Variants in ADGRV1 observed in about 807,000 individuals in gnomAD.
ADGRV1 encodes adhesion G protein-coupled receptor V1.
A neutral mutation model predicts 596.2 loss-of-function variants in ADGRV1; 359 were observed. The observed-to-expected ratio is 0.60, with a 90% CI of 0.55 to 0.66. The LOEUF is 0.66. Among genes scored for constraint, ADGRV1 ranks in the 30% least tolerant of loss-of-function variants. The probability of loss-of-function intolerance (pLI) is 0.00; values close to 1 mark genes in which losing one functional copy is unlikely to be tolerated. For missense variants in ADGRV1, 7,274 were observed against 7,575.6 expected, an observed-to-expected ratio of 0.96 and a Z score of 1.48; for synonymous variants, 2,681 against 2,679.2, an observed-to-expected ratio of 1.00 and a Z score of -0.02.
chr5:90,869,517 T>G (rs1254669770), intron 83 of ADGRV1, among the ~76,000 whole-genome samples: 2 of 152,068 alleles, frequency 1.3e-5, no homozygotes, highest in East Asian at 3.8e-4. Flanking sequence ...AGACTCTAAT[T>G]AGGGAGAGTA....
At position 91,150,194 on chromosome 5, in the gene ADGRV1, C is replaced by T. The variant is rs1190824134; in HGVS notation, c.18597C>T (p.Thr6199=). ...CTGGAGGGGAAATCAGCAAGTCCACCCAGAATCTCATCGGTGCTATGGAGG... is the reference window on the plus strand; with the variant it reads ...CTGGAGGGGAAATCAGCAAGTCCACTCAGAATCTCATCGGTGCTATGGAGG... ...PPAGGEISKS[T]QNLIGAMEEV... The change falls in exon 88 of 90, where the codon ACC becomes ACT. Residue 6199 remains threonine, a synonymous_variant. Transcript: ENST00000405460. The T allele has an allele frequency of 1.3e-6, 2 of 1,589,690 alleles. No individual in the cohort carries two copies. Among genetic ancestry groups the T allele is most frequent in the African/African-American group, 2.7e-5 (2 of 73,684 alleles).
At chr5:90,924,896 T>C (rs1581528531) in intron 83 of ADGRV1, among the ~76,000 whole-genome samples, 1 of 152,024 alleles carries the variant, frequency 6.6e-6, no homozygotes, top group East Asian at 1.9e-4. Flanking sequence ...GGGAATCCTT[T>C]CCCCATTGCT....
At chr5:91,049,907 A>G (rs1350528250) in intron 85 of ADGRV1, among the ~76,000 whole-genome samples, 1 of 152,164 alleles carries the variant, frequency 6.6e-6, no homozygotes, top group African/African-American at 2.4e-5. Flanking sequence ...ACAAATACTG[A>G]GGGACAACTG....
At chr5:90,985,036 C>T (rs547050275) in intron 84 of ADGRV1, among the ~76,000 whole-genome samples, 36 of 152,238 alleles carry the variant, frequency 2.4e-4, no homozygotes, top group African/African-American at 7.9e-4. Flanking sequence ...TTCAAAGACA[C>T]GTTTACAAAA....
chr5:90,907,014 G>C (rs984260009), intron 83 of ADGRV1, among the ~76,000 whole-genome samples: 3 of 152,096 alleles, frequency 2.0e-5, no homozygotes, highest in African/African-American at 7.2e-5. Flanking sequence ...GATTTCCAGA[G>C]GATAGTACAC....
rs56355504 is a variant in ADGRV1, at chr5:90,802,850, C to T, written c.14629C>T (p.Leu4877Phe). 3.7e-6 allele frequency: 6 copies of T among 1,609,184 alleles called. No homozygotes were observed. Among genetic ancestry groups the T allele is most frequent in the Non-Finnish European group, 5.1e-6 (6 of 1,177,830 alleles). ...TILQEAKSAV[L>F]PVSEKAANSQ... is the part of the protein sequence containing the mutation. ...TCTTCAGGAAGCAAAATCTGCTGTC[C>T]TTCCAGTCTCTGAGAAAGCTGCCAA... is the stretch of plus-strand genomic sequence containing the variant. The change falls in exon 71 of 90, where the codon CTT (leucine) becomes TTT (phenylalanine). Residue 4877 changes from leucine (L) to phenylalanine (F), a missense_variant. Leu to Phe is a conservative substitution (Grantham distance 22). Around this residue, in one of 5 missense-constraint regions of ADGRV1, gnomAD observed 1,874 missense variants for 1,970.2 expected, o/e 0.95. Transcript: ENST00000405460.
intron 86 of ADGRV1, among the ~76,000 whole-genome samples, chr5:91,075,020 T>C (rs2126452525): frequency 6.6e-6 from 1 of 152,326 alleles, no homozygotes; most frequent in African/African-American, 2.4e-5. Flanking sequence ...TTGCCCACTT[T>C]TTAATGGGCT....
chr5:90,696,342 A>G (rs1221516257), intron 33 of ADGRV1, among the ~76,000 whole-genome samples: 2 of 151,828 alleles, frequency 1.3e-5, no homozygotes, highest in Non-Finnish European at 2.9e-5. Flanking sequence ...TTCTTCCTTC[A>G]TTGCACTACT....
At chr5:90,816,424 A>C (rs537399028) in intron 75 of ADGRV1, among the ~76,000 whole-genome samples, 1 of 150,460 alleles carries the variant, frequency 6.6e-6, no homozygotes, top group East Asian at 1.9e-4. Context: ...TTTTATTATT[A>C]TTATACTTTA....
intron 82 of ADGRV1, among the ~76,000 whole-genome samples, chr5:90,861,485 A>AT (rs1767561588): frequency 6.7e-6 from 1 of 150,040 alleles, no homozygotes; most frequent in Non-Finnish European, 1.5e-5. Flanking sequence ...GATTTTTTGT[A>AT]TTTTTAGTAG....
chr5:90,916,601 A>G (rs1445604988), intron 83 of ADGRV1, among the ~76,000 whole-genome samples: 1 of 149,616 alleles, frequency 6.7e-6, no homozygotes, highest in East Asian at 2.0e-4. Flanking sequence ...TTTATAGGGA[A>G]TATTTTCCTT....
At chr5:91,027,069 G>A (rs1404132291) in intron 85 of ADGRV1, among the ~76,000 whole-genome samples, 1 of 151,578 alleles carries the variant, frequency 6.6e-6, no homozygotes, top group African/African-American at 2.4e-5. Context: ...TTGAACCCAG[G>A]AGGCAGAGGT....
intron 1 of ADGRV1, among the ~76,000 whole-genome samples, chr5:90,595,412 AC>A: frequency 4.8e-5 from 1 of 20,878 alleles, no homozygotes; most frequent in Non-Finnish European, 9.7e-5. Context: ...TCCCTCCCGG[AC>A]TGGGCGGCTG....
intron 11 of ADGRV1, chr5:90,640,830 T>C (rs1766875525): frequency 6.6e-6 from 1 of 152,626 alleles, no homozygotes; most frequent in African/African-American, 2.4e-5. Context: ...CTTTCTGTGT[T>C]GACAGGGTAG....
chr5:90,632,842 C>G (rs939516268), intron 9 of ADGRV1, among the ~76,000 whole-genome samples: 1 of 152,070 alleles, frequency 6.6e-6, no homozygotes, highest in African/African-American at 2.4e-5. Flanking sequence ...TTAGGGTGAA[C>G]AAGGCATTAT....
At chr5:90,579,287 G>T (rs1757659465) in intron 1 of ADGRV1, among the ~76,000 whole-genome samples, 1 of 152,186 alleles carries the variant, frequency 6.6e-6, no homozygotes, top group African/African-American at 2.4e-5. Flanking sequence ...GTATGTCCCA[G>T]AGATTCTGGT....
rs533255951 is a variant in ADGRV1, at chr5:90,686,712, T to A, written c.6490+717T>A. 7.2e-5 allele frequency among the ~76,000 whole-genome samples: 11 copies of A among 152,330 alleles called. No individual in the cohort carries two copies. The South Asian group carries it at 2.1e-3, about 29-fold the overall frequency. On this transcript the variant is annotated intron_variant, in intron 29 of 89. Transcript: ENST00000405460. ...GTCTTTATAGCTGCATGATTTATAG[T>A]CCTTTGGGTATATACTCAGTAATGG...
At chr5:90,842,857 G>A (rs549591151) in intron 78 of ADGRV1, among the ~76,000 whole-genome samples, 2 of 152,174 alleles carry the variant, frequency 1.3e-5, no homozygotes, top group African/African-American at 4.8e-5. Context: ...TTTAAAAATA[G>A]TATGATATAA....
In ADGRV1 at chr5:90,773,160, C is replaced by G. The variant is rs1167855906; in HGVS notation, c.12286-1026C>G. Among the ~76,000 whole-genome samples the G allele has an allele frequency of 2.4e-5, 3 of 123,220 alleles. No homozygotes were observed. In the East Asian group the frequency reaches 7.4e-4, roughly 30 times the overall value. The allele number at this position is 123,220 out of a possible 152,430, so 80.8% of individuals were successfully genotyped here. On this transcript the variant is annotated intron_variant, in intron 59 of 89. Transcript: ENST00000405460. ...CTCCAGCCTGGGTGACAGAGTGAGACCCTGTCTCAAAAAAAAAAAAAAAAT... is the reference window on the plus strand; with the variant it reads ...CTCCAGCCTGGGTGACAGAGTGAGAGCCTGTCTCAAAAAAAAAAAAAAAAT...
Sources: gnomAD v4.1 joint callset for allele counts (sites outside exome capture counted in the v4.1 genomes callset) on GRCh38, gnomAD v4.1.1 for gene constraint, gnomAD v4.1.1 regional missense constraint, MANE v1.5 for transcripts, NCBI Gene and HGNC (gene_info 2026-07-23, HGNC 2026-07-21) for gene names.